CDC73: variants seen among roughly 807,000 people sequenced by gnomAD.
CDC73 encodes the protein parafibromin.
Under a neutral mutation model 83.7 loss-of-function variants are expected in CDC73, and 21 were observed. The observed-to-expected ratio is 0.25, with a 90% confidence interval of 0.18 to 0.36. CDC73 has a LOEUF of 0.36. CDC73 is among the 10% of genes least tolerant of loss of function. CDC73 has a pLI of 1.00. For missense variants in CDC73, 342 were observed against 653.3 expected (o/e 0.52, Z 5.19); for synonymous variants, 224 against 212.9 (o/e 1.05, Z -0.45).
At chr1:193,241,935 AGT>A (rs1232284858) in intron 15 of CDC73, among the ~76,000 whole-genome samples, 1 of 152,150 alleles carries the variant, frequency 6.6e-6, no homozygotes, top group Non-Finnish European at 1.5e-5. Context: ...CGTTGTTTTC[AGT>A]GGCAACGGCC....
At chr1:193,182,989 C>T (rs1016135203) in intron 10 of CDC73, among the ~76,000 whole-genome samples, 8 of 151,764 alleles carry the variant, frequency 5.3e-5, no homozygotes, top group African/African-American at 1.9e-4. Flanking sequence ...ACAGTGTATG[C>T]ATAAATACAT....
At chr1:193,215,925 A>AC (rs1405799531) in intron 13 of CDC73, among the ~76,000 whole-genome samples, 1 of 152,150 alleles carries the variant, frequency 6.6e-6, no homozygotes, top group Non-Finnish European at 1.5e-5. Context: ...AAACAAAGAT[A>AC]CAATGTACCG....
intron 6 of CDC73, among the ~76,000 whole-genome samples, chr1:193,138,458 C>T (rs1027413223): frequency 6.6e-6 from 1 of 152,156 alleles, no homozygotes; most frequent in African/African-American, 2.4e-5. Context: ...ATTACTTACA[C>T]CAGAAGTCAG....
intron 10 of CDC73, among the ~76,000 whole-genome samples, chr1:193,194,376 G>C (rs372800894): frequency 1.2e-4 from 18 of 152,228 alleles, no homozygotes; most frequent in Middle Eastern, 6.8e-3. Flanking sequence ...GTCAAAGCTG[G>C]AACATAGCTC....
At chr1:193,190,145 C>A (rs1292218024) in intron 10 of CDC73, among the ~76,000 whole-genome samples, 5 of 152,094 alleles carry the variant, frequency 3.3e-5, no homozygotes, top group Non-Finnish European at 7.4e-5. Flanking sequence ...TATTTTTTCC[C>A]ATGTTGGACA....
chr1:193,145,459 T>A (rs1675979600), intron 7 of CDC73, among the ~76,000 whole-genome samples: 1 of 152,218 alleles, frequency 6.6e-6, no homozygotes, highest in African/African-American at 2.4e-5. Context: ...ACAGCTGTCT[T>A]CTATTAAGCC....
At chr1:193,226,653 A>C (rs1043429259) in intron 13 of CDC73, among the ~76,000 whole-genome samples, 1 of 152,196 alleles carries the variant, frequency 6.6e-6, no homozygotes, top group Non-Finnish European at 1.5e-5. Context: ...CCATCCCTGC[A>C]TCCTTGGTAT....
intron 11 of CDC73, among the ~76,000 whole-genome samples, chr1:193,209,933 A>G (rs1677248608): frequency 6.6e-6 from 1 of 151,872 alleles, no homozygotes; most frequent in Admixed American, 6.6e-5. Context: ...TTTAGTCATA[A>G]TAGCAACTCC....
In CDC73 at chr1:193,135,385, C is replaced by T. The variant is rs75227966; in HGVS notation, c.308-6C>T. 1.2e-6 allele frequency: 2 copies of T among 1,610,400 alleles called. No individual in the cohort carries two copies. Among genetic ancestry groups the T allele is most frequent in the Non-Finnish European group, 1.7e-6 (2 of 1,176,726 alleles). On this transcript the variant is annotated splice_polypyrimidine_tract_variant and splice_region_variant and intron_variant, in intron 3 of 16. Transcript: ENST00000367435. ...AATCCTTACGTGAATCTTTTTATGT[C>T]TTCAGCAACATCGGCAAGTATAGAC...
intron 10 of CDC73, chr1:193,181,692 T>C: frequency 1.1e-6 from 1 of 920,924 alleles, no homozygotes; most frequent in Non-Finnish European, 1.6e-6. Flanking sequence ...TCTATAAAAA[T>C]GAAGCACAAA....
intron 10 of CDC73, among the ~76,000 whole-genome samples, chr1:193,195,396 G>A (rs1676985149): frequency 6.6e-6 from 1 of 152,058 alleles, no homozygotes; most frequent in Non-Finnish European, 1.5e-5. Context: ...ATCTGTTCAT[G>A]TGTTGACGTT....
chr1:193,152,673 T>C (rs1676135118), intron 10 of CDC73, among the ~76,000 whole-genome samples: 1 of 152,250 alleles, frequency 6.6e-6, no homozygotes, highest in Non-Finnish European at 1.5e-5. Context: ...CTGATTTGAT[T>C]AACTTGCAAG....
chr1:193,202,184 A>T (rs1179700379), intron 10 of CDC73, among the ~76,000 whole-genome samples: 1 of 149,290 alleles, frequency 6.7e-6, no homozygotes, highest in African/African-American at 2.4e-5. Flanking sequence ...TTCCTATTTA[A>T]TGATTATCCG....
At chr1:193,163,480 G>A (rs116583213) in intron 10 of CDC73, among the ~76,000 whole-genome samples, 1,623 of 151,886 alleles carry the variant, frequency 0.011, 31 homozygotes, top group African/African-American at 0.036. Context: ...ACACTCCAGC[G>A]TGGGCAACAG....
chr1:193,196,085 C>G (rs949535891), intron 10 of CDC73, among the ~76,000 whole-genome samples: 5 of 152,118 alleles, frequency 3.3e-5, no homozygotes, highest in Non-Finnish European at 5.9e-5. Flanking sequence ...TTTCATGAAG[C>G]TTTTCCTCTG....
intron 6 of CDC73, among the ~76,000 whole-genome samples, 183 bp downstream of exon 6, chr1:193,138,356 GAA>G (rs1178543068): frequency 5.9e-5 from 9 of 152,184 alleles, no homozygotes; most frequent in Non-Finnish European, 1.2e-4. Flanking sequence ...CATGCTTTTT[GAA>G]AAGTCTTCTT....
chr1:193,177,209 C>T (rs1354870438), intron 10 of CDC73, among the ~76,000 whole-genome samples: 3 of 151,476 alleles, frequency 2.0e-5, no homozygotes, highest in Non-Finnish European at 4.4e-5. Flanking sequence ...GAAATAATAG[C>T]AGAACAGTGT....
intron 10 of CDC73, among the ~76,000 whole-genome samples, chr1:193,185,729 T>G (rs569267223): frequency 6.6e-6 from 1 of 152,278 alleles, no homozygotes; most frequent in East Asian, 1.9e-4. Context: ...CTACAGATTT[T>G]TTTTTAAGTT....
intron 3 of CDC73, among the ~76,000 whole-genome samples, chr1:193,133,190 C>T (rs892852554): frequency 2.6e-5 from 4 of 151,986 alleles, no homozygotes; most frequent in East Asian, 1.9e-4. Flanking sequence ...TGTGAGCCAC[C>T]GCGCCTGGCA....
Sources: gnomAD v4.1 joint callset for allele counts (sites outside exome capture counted in the v4.1 genomes callset) on GRCh38, gnomAD v4.1.1 for gene constraint, MANE v1.5 for transcripts, NCBI Gene and HGNC (gene_info 2026-07-23, HGNC 2026-07-21) for gene names.